Variants in LIG3 observed in about 807,000 individuals in gnomAD.
LIG3 encodes DNA ligase 3, also known as ligase II, DNA, ATP-dependent.
Under a neutral mutation model 110.9 loss-of-function variants are expected in LIG3, and 58 were observed. That is an observed-to-expected ratio of 0.52 (90% CI 0.42 to 0.65). LIG3 has a LOEUF of 0.65. Ranked by LOEUF, LIG3 falls within the 30% of genes least tolerant of loss-of-function variation. The pLI is 0.00. For synonymous variants in LIG3, 422 were observed against 472.8 expected (o/e 0.89, Z 1.39); for missense variants, 1,094 against 1,273.8 (o/e 0.86, Z 2.15).
chr17:35,001,322 G>C lies in LIG3; in HGVS notation c.2397G>C (p.Gly799=). The C allele has an allele frequency of 1.2e-6, 2 of 1,614,150 alleles. No individual in the cohort carries two copies. Among genetic ancestry groups the C allele is most frequent in the Non-Finnish European group, 1.7e-6 (2 of 1,180,012 alleles). ...FSKSEAHTAD[G]ISIRFPRCTR... ...AATCGGAGGCTCATACAGCTGACGG[G>C]ATCTCCATCCGATTCCCTCGCTGCA... is the stretch of plus-strand genomic sequence containing the variant. Residue 799 remains glycine, a synonymous_variant, in exon 17 of 20, where the codon GGG becomes GGC. Transcript: ENST00000378526.
chr17:34,988,172 G>A (rs1045041857), intron 3 of LIG3, among the ~76,000 whole-genome samples: 8 of 125,100 alleles, frequency 6.4e-5, no homozygotes, highest in Admixed American at 2.1e-4. Context: ...CAGCCTGGGC[G>A]ACAGCGAGAC....
intron 5 of LIG3, 76 bp from the exon 6 acceptor site, chr17:34,991,595 C>T: frequency 1.4e-6 from 2 of 1,447,132 alleles, no homozygotes; most frequent in Non-Finnish European, 9.5e-7. Context: ...CTTGATTCAT[C>T]TTCAGTCCTG....
At chr17:34,986,395 C>T (rs1448267916) in intron 3 of LIG3, among the ~76,000 whole-genome samples, 1 of 152,146 alleles carries the variant, frequency 6.6e-6, no homozygotes, top group Non-Finnish European at 1.5e-5. Context: ...ATTCTCAGCT[C>T]ACTGCAACCT....
chr17:34,989,588 A>G lies in LIG3; in HGVS notation c.814A>G (p.Met272Val). ...ACGGGAGTTTCGAAAGTTATGCGCC[A>G]TGGTGGCCGATAATCCTAGCTACAA... ...LLREFRKLCA[M>V]VADNPSYNTK... is the part of the protein sequence containing the mutation. Residue 272 changes from methionine (M) to valine (V), a missense_variant, in exon 4 of 20, where the codon ATG becomes GTG. Physicochemically the swap from Met to Val is conservative, Grantham distance 21. Coordinates refer to ENST00000378526, the MANE Select transcript of LIG3 (RefSeq NM_013975.4). 6.2e-7 allele frequency: 1 copy of G among 1,614,092 alleles called. No individual in the cohort carries two copies. The highest frequency in any genetic ancestry group is 8.5e-7 in the Non-Finnish European group (1 of 1,180,028).
chr17:34,996,203 C>T lies in LIG3; in HGVS notation c.1743+8C>T. On this transcript the variant is annotated splice_region_variant and intron_variant, in intron 10 of 19. Transcript: ENST00000378526. The stretch of plus-strand genomic sequence containing the variant: ...ACTCTGGGAGTACACAAGGTACTAG[C>T]TCAGGGCCATATGTGCAAGAATGAA... 2.5e-6 allele frequency: 4 copies of T among 1,613,578 alleles called. No individual in the cohort carries two copies. The highest frequency in any genetic ancestry group is 3.4e-6 in the Non-Finnish European group (4 of 1,179,792).
chr17:34,998,259 AGGAG>A lies in LIG3; in HGVS notation c.1956_1959del (p.Glu652AspfsTer7). On this transcript the variant is annotated frameshift_variant, in exon 13 of 20. Coordinates refer to ENST00000378526, the MANE Select transcript of LIG3 (RefSeq NM_013975.4). LOFTEE classifies it high-confidence loss of function. Reference sequence around the variant, plus strand: ...GCTGACATGATAACCCGGGTGATCCAGGAGGGATTGGAGGGGCTGGTGCTGAAGG... The same window carrying A: ...GCTGACATGATAACCCGGGTGATCCAGGATTGGAGGGGCTGGTGCTGAAGG... 6.2e-7 allele frequency: 1 copy of A among 1,613,772 alleles called. No homozygotes were observed. The highest frequency in any genetic ancestry group is 1.7e-4 in the Middle Eastern group (1 of 6,060).
Position 34,992,690 on chromosome 17 carries a change from T to G in LIG3, c.1453T>G (p.Leu485Val). The change falls in exon 8 of 20, where the codon TTG (leucine) becomes GTG (valine). Residue 485 changes from leucine (L) to valine (V), a missense_variant and splice_region_variant. Coordinates refer to ENST00000378526, the MANE Select transcript of LIG3 (RefSeq NM_013975.4). ...GCTGATGACACCTGTGCAGCCCATG[T>G]TGGTGAGGAGTGCTCCCCTGCCTCT... ...ASLMTPVQPM[L>V]AEACKSVEYA... The G allele has an allele frequency of 6.3e-7, 1 of 1,587,364 alleles. No individual in the cohort carries two copies. The highest frequency in any genetic ancestry group is 8.6e-7 in the Non-Finnish European group (1 of 1,168,268).
intron 3 of LIG3, among the ~76,000 whole-genome samples, chr17:34,987,446 A>G (rs552365518): frequency 6.6e-6 from 1 of 152,322 alleles, no homozygotes; most frequent in South Asian, 2.1e-4. Flanking sequence ...GTGCTCTTTT[A>G]TACTACACTG....
At chr17:35,004,037 A>G (rs926754057) in intron 19 of LIG3, 3 of 529,694 alleles carry the variant, frequency 5.7e-6, no homozygotes, top group Non-Finnish European at 1.0e-5. Flanking sequence ...TCCAGGTCCC[A>G]GATGTCGAGG....
At chr17:34,996,021 G>C in intron 9 of LIG3, 43 bp from the exon 10 acceptor site, 1 of 1,595,588 alleles carries the variant, frequency 6.3e-7, no homozygotes, top group African/African-American at 1.3e-5. Context: ...TGAGGTCCCT[G>C]CTGCCATGTC....
At chr17:34,987,035 C>T (rs2090663408) in intron 3 of LIG3, among the ~76,000 whole-genome samples, 1 of 152,234 alleles carries the variant, frequency 6.6e-6, no homozygotes, top group Non-Finnish European at 1.5e-5. Context: ...AAGGGGAGGA[C>T]TGTGGCTATT....
chr17:34,998,056 G>C (rs2090798091), intron 12 of LIG3, 163 bp from the exon 13 acceptor site: 4 of 656,464 alleles, frequency 6.1e-6, no homozygotes, highest in Non-Finnish European at 1.0e-5. Flanking sequence ...GCAGCCCTCT[G>C]TTTGGGATGA....
Position 35,002,820 on chromosome 17 carries a change from G to A in LIG3, c.2796+31G>A, listed in dbSNP as rs781562912. On this transcript the variant is annotated intron_variant, in intron 19 of 19. Transcript: ENST00000378526. ...GGTAAAAACAGCAACACACCACGTG[G>A]GCCAGTTTAGCCCAGGTTGTGTTCC... is the stretch of plus-strand genomic sequence containing the variant. 2.6e-5 allele frequency: 41 copies of A among 1,577,220 alleles called. 1 individual carries two copies. In the Middle Eastern group the frequency reaches 5.2e-4, roughly 20 times the overall value.
chr17:35,002,703 G>A lies in LIG3; in HGVS notation c.2710G>A (p.Val904Met), dbSNP rs777046574. The change falls in exon 19 of 20, where the codon GTG becomes ATG. Residue 904 changes from valine (V) to methionine (M), a missense_variant. Coordinates refer to ENST00000378526, the MANE Select transcript of LIG3 (RefSeq NM_013975.4). ...GACTGCAAAGCCTTCCGCTATGAAGGTGGGGGAGAAGCTGGCCACAAAGTC... is the reference window on the plus strand; with the variant it reads ...GACTGCAAAGCCTTCCGCTATGAAGATGGGGGAGAAGCTGGCCACAAAGTC... ...MQTAKPSAMK[V>M]GEKLATKSSP... 6.2e-7 allele frequency: 1 copy of A among 1,613,826 alleles called. No individual in the cohort carries two copies. Among genetic ancestry groups the A allele is most frequent in the East Asian group, 2.2e-5 (1 of 44,882 alleles).
Position 34,998,606 on chromosome 17 carries a change from T to C in LIG3, c.1992T>C (p.Gly664=). 6.2e-7 allele frequency: 1 copy of C among 1,614,072 alleles called. No individual in the cohort carries two copies. Among genetic ancestry groups the C allele is most frequent in the Non-Finnish European group, 8.5e-7 (1 of 1,179,974 alleles). Residue 664 remains glycine, a splice_region_variant and synonymous_variant, in exon 14 of 20, where the codon GGT becomes GGC. Transcript: ENST00000378526. ...GTCTCTCTTTTGCTTCCCTTCAGGG[T>C]ACATATGAGCCTGGGAAGCGGCACT... ...LEGLVLKDVK[G]TYEPGKRHWL...
chr17:34,991,958 G>A lies in LIG3; in HGVS notation c.1209G>A (p.Arg403=). ...QQQALQDIAS[R]CTANDLKCII... ...AGTTAAATGTGCTTCATCCCCCTAG[G>A]TGTACAGCCAATGACCTTAAATGCA... The change falls in exon 7 of 20, where the codon AGG becomes AGA. Residue 403 remains arginine (R), a splice_region_variant and synonymous_variant. Coordinates refer to ENST00000378526, the MANE Select transcript of LIG3 (RefSeq NM_013975.4). The A allele has an allele frequency of 3.1e-6, 5 of 1,614,082 alleles. No individual in the cohort carries two copies. Among genetic ancestry groups the A allele is most frequent in the Non-Finnish European group, 4.2e-6 (5 of 1,179,900 alleles).
At chr17:34,997,541 A>C in intron 11 of LIG3, 197 bp from the exon 12 acceptor site, 1 of 565,460 alleles carries the variant, frequency 1.8e-6, no homozygotes. Context: ...TCTATGCCAC[A>C]GCTCACAATT....
In LIG3 at chr17:34,991,091, G is replaced by T; in HGVS notation, c.1018G>T (p.Asp340Tyr). The T allele has an allele frequency of 6.2e-7, 1 of 1,614,134 alleles. No individual in the cohort carries two copies. The highest frequency in any genetic ancestry group is 8.5e-7 in the Non-Finnish European group (1 of 1,180,026). Residue 340 changes from aspartate (D) to tyrosine (Y), a missense_variant, in exon 5 of 20, where the codon GAT (aspartate) becomes TAT (tyrosine). By Grantham distance (160) the Asp-to-Tyr change is radical. Transcript: ENST00000378526. Reference sequence around the variant, plus strand: ...TCGCATTTTTAACTGCAACCCAGATGATATGGCACGGGACCTAGAGCAGGT... The same window carrying T: ...TCGCATTTTTAACTGCAACCCAGATTATATGGCACGGGACCTAGAGCAGGT... ...FSRIFNCNPD[D>Y]MARDLEQGDV...
chr17:35,009,866 C>T (rs930525957), downstream of LIG3: 3 of 152,612 alleles, frequency 2.0e-5, no homozygotes, highest in Admixed American at 1.3e-4. Context: ...ATACATAGAC[C>T]TGTTTTACAG....
Sources: gnomAD v4.1 joint callset for allele counts (sites outside exome capture counted in the v4.1 genomes callset) on GRCh38, gnomAD v4.1.1 for gene constraint, MANE v1.5 for transcripts, NCBI Gene and HGNC (gene_info 2026-07-23, HGNC 2026-07-21) for gene names.